TANC1: variants seen among roughly 807,000 people sequenced by gnomAD.
TANC1 encodes tetratricopeptide repeat, ankyrin repeat and coiled-coil containing 1, also known as protein TANC1.
In TANC1, 77 loss-of-function variants were observed where a neutral mutation model predicts 149.7. The observed-to-expected ratio is 0.51, with a 90% CI of 0.43 to 0.62. The LOEUF (loss-of-function observed/expected upper bound fraction) is 0.62, where lower values mean the gene tolerates loss of function less well. Among genes scored for constraint, TANC1 ranks in the 20% least tolerant of loss-of-function variants. The pLI is 0.00. For synonymous variants in TANC1, 854 were observed against 925.0 expected, an observed-to-expected ratio of 0.92 and a Z score of 1.39; for missense variants, 1,985 against 2,321.8, an observed-to-expected ratio of 0.85 and a Z score of 2.98.
chr2:158,988,617 G>C lies in TANC1; in HGVS notation c.-125-12463G>C, dbSNP rs192774801. ...TCCTTAGTCCCCATCGTGTTGGGGA[G>C]GACACAGGAGAAAGTTGGCTTGCTC... On this transcript the variant is annotated intron_variant, in intron 1 of 26. Transcript: ENST00000263635. Among the ~76,000 whole-genome samples, 158 of 152,248 alleles carry C rather than the reference G, an allele frequency of 1.0e-3. 1 individual carries two copies. In the Middle Eastern group the frequency reaches 0.02, roughly 20 times the overall value.
chr2:159,201,608 G>T (rs1559449485), intron 19 of TANC1, among the ~76,000 whole-genome samples: 1 of 152,138 alleles, frequency 6.6e-6, no homozygotes, highest in Non-Finnish European at 1.5e-5. Context: ...TGTAGTCAAT[G>T]GTGTTTTGTG....
At chr2:159,057,953 CG>C (rs2149638216) in intron 2 of TANC1, among the ~76,000 whole-genome samples, 2 of 152,170 alleles carry the variant, frequency 1.3e-5, no homozygotes, top group East Asian at 3.9e-4. Context: ...TCTAGTTAGC[CG>C]TGTTTTGCTG....
chr2:159,158,332 C>T (rs1219251931), intron 7 of TANC1, among the ~76,000 whole-genome samples: 5 of 152,078 alleles, frequency 3.3e-5, no homozygotes, highest in Admixed American at 3.3e-4. Context: ...TGTACTCCAG[C>T]CTGGGCAACA....
intron 15 of TANC1, among the ~76,000 whole-genome samples, 186 bp downstream of exon 15, chr2:159,186,085 G>A (rs1318612877): frequency 6.6e-6 from 1 of 152,136 alleles, no homozygotes; most frequent in African/African-American, 2.4e-5. Flanking sequence ...GCATTTCCTT[G>A]CATTTTGCTA....
chr2:159,133,598 C>T (rs1300926478), intron 4 of TANC1, among the ~76,000 whole-genome samples: 1 of 152,056 alleles, frequency 6.6e-6, no homozygotes, highest in East Asian at 1.9e-4. Context: ...AGTTTAGCTC[C>T]ACCCCCAAAC....
At chr2:159,112,939 T>C (rs10929934) in intron 4 of TANC1, among the ~76,000 whole-genome samples, 16,919 of 151,852 alleles carry the variant, frequency 0.11, 1,717 homozygotes, top group East Asian at 0.59. Flanking sequence ...TTTAAACTTA[T>C]GGCATTTTTT....
At chr2:159,016,535 ATAAGTATTT>A (rs2038284995) in intron 2 of TANC1, among the ~76,000 whole-genome samples, 1 of 151,836 alleles carries the variant, frequency 6.6e-6, no homozygotes, top group Non-Finnish European at 1.5e-5. Context: ...GCCCTGTTTA[ATAAGTATTT>A]TTTTTTAGTT....
chr2:159,167,587 A>G (rs2054730648), intron 8 of TANC1, among the ~76,000 whole-genome samples: 2 of 152,222 alleles, frequency 1.3e-5, no homozygotes, highest in South Asian at 4.1e-4. Flanking sequence ...AAATGTGTAT[A>G]CACTGTGGAT....
At chr2:159,136,907 T>C (rs889209927) in intron 5 of TANC1, among the ~76,000 whole-genome samples, 3 of 152,160 alleles carry the variant, frequency 2.0e-5, no homozygotes, top group Admixed American at 2.0e-4. Flanking sequence ...TTAACAGATA[T>C]ATTCATAGTT....
intron 16 of TANC1, among the ~76,000 whole-genome samples, chr2:159,191,378 G>A (rs1160637981): frequency 6.6e-6 from 1 of 152,158 alleles, no homozygotes; most frequent in African/African-American, 2.4e-5. Context: ...AGAGGGCCTG[G>A]GTGCACAGGG....
Position 159,230,707 on chromosome 2 carries a change from G to A in TANC1, c.5281G>A (p.Gly1761Ser). ...GCTGACAAACACGTCTTCTGCAGCTGGCCTGCAGTCTGCTAACACTGAGAA... is the reference window on the plus strand; with the variant it reads ...GCTGACAAACACGTCTTCTGCAGCTAGCCTGCAGTCTGCTAACACTGAGAA... The part of the protein sequence containing the change: ...GLLTNTSSAA[G>S]LQSANTEKPS... The change falls in exon 27 of 27, where the codon GGC becomes AGC. Residue 1761 changes from glycine to serine, a missense_variant. By Grantham distance (56) the Gly-to-Ser change is moderately conservative (BLOSUM62 0). This residue lies in a region of TANC1 where 920 missense variants were observed against 994.7 expected (regional missense o/e 0.92). Coordinates refer to ENST00000263635, the MANE Select transcript of TANC1 (RefSeq NM_033394.3). The surrounding 1 kb of genome is among the most constrained non-coding windows in gnomAD (Gnocchi z 4.4). The A allele has an allele frequency of 7.4e-6, 12 of 1,614,188 alleles. No homozygotes were observed. Among genetic ancestry groups the A allele is most frequent in the Non-Finnish European group, 1.0e-5 (12 of 1,180,036 alleles).
In TANC1 at chr2:159,010,685, A is replaced by C. The variant is rs563670081; in HGVS notation, c.-16+9496A>C. Among the ~76,000 whole-genome samples the C allele has an allele frequency of 8.6e-5, 13 of 151,872 alleles. No homozygotes were observed. The East Asian group carries it at 1.5e-3, about 18-fold the overall frequency. On this transcript the variant is annotated intron_variant, in intron 2 of 26. Transcript: ENST00000263635. The stretch of plus-strand genomic sequence containing the variant: ...CAAGGATGTGGACGGACAGGAGACT[A>C]CATTCAGAACTATGTGCTTATAGAA...
chr2:159,171,203 T>C (rs1484805051), intron 10 of TANC1, among the ~76,000 whole-genome samples: 1 of 152,232 alleles, frequency 6.6e-6, no homozygotes, highest in Non-Finnish European at 1.5e-5. Flanking sequence ...TCGTCTTCTG[T>C]ATTGGATTTT....
Position 159,196,688 on chromosome 2 carries a change from G to C in TANC1, c.3060G>C (p.Leu1020=). The part of the protein sequence containing the change: ...LRGHGDILQY[L]LTCEWSPGPP... ...GCCACGGTGACATTCTCCAGTACCTGCTGACTTGTGAGTGGTCGCCGGGTC... is the reference window on the plus strand; with the variant it reads ...GCCACGGTGACATTCTCCAGTACCTCCTGACTTGTGAGTGGTCGCCGGGTC... Residue 1020 remains leucine (L), a synonymous_variant, in exon 18 of 27, where the codon CTG becomes CTC. Coordinates refer to ENST00000263635, the MANE Select transcript of TANC1 (RefSeq NM_033394.3). 1 of 1,614,060 alleles carries C rather than the reference G, an allele frequency of 6.2e-7. No individual in the cohort carries two copies. The highest frequency in any genetic ancestry group is 1.6e-4 in the Middle Eastern group (1 of 6,062).
intron 1 of TANC1, among the ~76,000 whole-genome samples, chr2:158,990,986 T>C (rs921885566): frequency 6.6e-5 from 10 of 150,782 alleles, no homozygotes; most frequent in African/African-American, 2.4e-4. Flanking sequence ...GGTGGGAGGA[T>C]TGCTTGAGCC....
At chr2:159,224,556 G>C in intron 23 of TANC1, 192 bp downstream of exon 23, 1 of 651,644 alleles carries the variant, frequency 1.5e-6, no homozygotes, top group South Asian at 2.1e-5. Flanking sequence ...CTGCGGGGAG[G>C]GTGTGGAAAG....
chr2:159,155,725 A>C, intron 7 of TANC1, among the ~76,000 whole-genome samples: 1 of 152,230 alleles, frequency 6.6e-6, no homozygotes, highest in East Asian at 1.9e-4. Flanking sequence ...CTTCTTGCTC[A>C]GTTTGAAGCA....
At chr2:159,195,896 G>A (rs1357760132) in intron 17 of TANC1, among the ~76,000 whole-genome samples, 1 of 152,212 alleles carries the variant, frequency 6.6e-6, no homozygotes, top group East Asian at 1.9e-4. Flanking sequence ...GGCATGCAAG[G>A]CTAGGCCCTG....
At chr2:159,201,812 C>T (rs2058268410) in intron 19 of TANC1, among the ~76,000 whole-genome samples, 1 of 152,236 alleles carries the variant, frequency 6.6e-6, no homozygotes, top group Admixed American at 6.5e-5. Flanking sequence ...TAGCTGTGAA[C>T]AGCTTGGCTT....
Sources: allele counts gnomAD v4.1 joint callset (sites outside exome capture counted in the v4.1 genomes callset), GRCh38; gene constraint gnomAD v4.1.1; regional missense constraint gnomAD v4.1.1; non-coding constraint Gnocchi (gnomAD v3.1); transcripts MANE v1.5; gene names NCBI Gene and HGNC (gene_info 2026-07-23, HGNC 2026-07-21).